Variants in TBL1XR1 observed in about 807,000 individuals in gnomAD.
The protein encoded by TBL1XR1 is F-box-like/WD repeat-containing protein TBL1XR1.
Under a neutral mutation model 66.9 loss-of-function variants are expected in TBL1XR1, and 5 were observed. That is an observed-to-expected ratio of 0.07 (90% CI 0.04 to 0.16). TBL1XR1 has a LOEUF of 0.16. Ranked by LOEUF, TBL1XR1 falls within the 10% of genes least tolerant of loss-of-function variation. TBL1XR1 has a pLI of 1.00. For missense variants in TBL1XR1, 238 were observed against 623.2 expected (o/e 0.38, Z 6.58); for synonymous variants, 210 against 206.0 (o/e 1.02, Z -0.17).
rs559946663 is a variant in TBL1XR1, at chr3:177,159,233, A to G, written c.-122+37888T>C. ...TGATTCTCCTGCTGCTGAGGAAAGT[A>G]AATAGCTCACTTCCAATACTGAAAG... is the stretch of plus-strand genomic sequence containing the variant. On this transcript the variant is annotated intron_variant, in intron 1 of 15. Coordinates refer to ENST00000457928, the MANE Select transcript of TBL1XR1 (RefSeq NM_024665.7). Among the ~76,000 whole-genome samples, 81 of 152,300 alleles carry G rather than the reference A, an allele frequency of 5.3e-4. 1 individual carries two copies. Among genetic ancestry groups the G allele is most frequent in the African/African-American group, 1.8e-3 (75 of 41,580 alleles).
At chr3:177,135,047 G>C (rs970230122) in intron 1 of TBL1XR1, among the ~76,000 whole-genome samples, 7 of 150,392 alleles carry the variant, frequency 4.7e-5, no homozygotes, top group African/African-American at 1.5e-4. Context: ...CTGTCACTCA[G>C]GCTGGAGTGC....
intron 1 of TBL1XR1, among the ~76,000 whole-genome samples, chr3:177,193,435 C>T (rs147645734): frequency 0.035 from 5,391 of 152,010 alleles, 333 homozygotes; most frequent in African/African-American, 0.12. Flanking sequence ...CTCAGCCTCC[C>T]GAGTAGCTGG....
At chr3:177,075,043 G>A (rs1720519083) in intron 2 of TBL1XR1, among the ~76,000 whole-genome samples, 1 of 152,188 alleles carries the variant, frequency 6.6e-6, no homozygotes, top group Admixed American at 6.5e-5. Flanking sequence ...CAGCGCTACT[G>A]TGATAGCTAC....
intron 1 of TBL1XR1, among the ~76,000 whole-genome samples, chr3:177,116,140 A>C (rs1726279908): frequency 6.6e-6 from 1 of 152,170 alleles, no homozygotes; most frequent in African/African-American, 2.4e-5. Context: ...TTCCTGTCTC[A>C]CAATTTGTTT....
At position 177,192,018 on chromosome 3, in the gene TBL1XR1, G is replaced by A. The variant is rs538298363; in HGVS notation, c.-122+5103C>T. ...TGAGGTAGGGGAATCGCTTGAACCC[G>A]GGAGGCAGAGGTTGCAGTGAGCCGA... On this transcript the variant is annotated intron_variant, in intron 1 of 15. Coordinates refer to ENST00000457928, the MANE Select transcript of TBL1XR1 (RefSeq NM_024665.7). Among the ~76,000 whole-genome samples the A allele has an allele frequency of 4.0e-4, 60 of 151,282 alleles. 1 individual carries two copies. Among genetic ancestry groups the A allele is most frequent in the South Asian group, 1.7e-3 (8 of 4,784 alleles).
intron 1 of TBL1XR1, among the ~76,000 whole-genome samples, chr3:177,183,157 C>T (rs1735024872): frequency 1.3e-5 from 2 of 152,116 alleles, no homozygotes; most frequent in Non-Finnish European, 1.5e-5. Context: ...AGAACGTCGA[C>T]GTTTCTGAGT....
chr3:177,134,569 T>C (rs1208697463), intron 1 of TBL1XR1, among the ~76,000 whole-genome samples: 1 of 152,202 alleles, frequency 6.6e-6, no homozygotes, highest in Non-Finnish European at 1.5e-5. Context: ...CCTGAAACAC[T>C]TGGCTTTGCA....
intron 1 of TBL1XR1, among the ~76,000 whole-genome samples, chr3:177,138,590 T>A (rs1427470181): frequency 7.2e-6 from 1 of 138,346 alleles, no homozygotes; most frequent in African/African-American, 2.6e-5. Flanking sequence ...AGACCCTGTC[T>A]GGGAGAAAAA....
intron 1 of TBL1XR1, among the ~76,000 whole-genome samples, chr3:177,169,000 C>A (rs900150616): frequency 6.6e-6 from 1 of 151,654 alleles, no homozygotes; most frequent in Non-Finnish European, 1.5e-5. Context: ...CTTTTTTTTT[C>A]TTATTATTTT....
intron 1 of TBL1XR1, among the ~76,000 whole-genome samples, chr3:177,145,199 T>C (rs906730433): frequency 3.3e-5 from 5 of 152,250 alleles, no homozygotes; most frequent in African/African-American, 1.2e-4. Context: ...CTATGTGATC[T>C]ACACCAGAGG....
chr3:177,147,070 G>A (rs1037227318), intron 1 of TBL1XR1, among the ~76,000 whole-genome samples: 2 of 145,994 alleles, frequency 1.4e-5, no homozygotes, highest in African/African-American at 5.1e-5. Flanking sequence ...TTTAAGAGAT[G>A]TAGTCTTACT....
chr3:177,110,500 GT>G (rs542642715), intron 1 of TBL1XR1, among the ~76,000 whole-genome samples: 3 of 151,258 alleles, frequency 2.0e-5, no homozygotes, highest in East Asian at 1.9e-4. Context: ...TGGTTTTGTG[GT>G]TTTTTTTTCC....
intron 14 of TBL1XR1, among the ~76,000 whole-genome samples, chr3:177,030,378 G>A (rs879497329): frequency 6.6e-6 from 1 of 151,896 alleles, no homozygotes; most frequent in Non-Finnish European, 1.5e-5. Flanking sequence ...AAGTATTAAT[G>A]TGATATTTCA....
intron 1 of TBL1XR1, among the ~76,000 whole-genome samples, chr3:177,188,766 C>A (rs1300735936): frequency 6.6e-6 from 1 of 152,202 alleles, no homozygotes; most frequent in South Asian, 2.1e-4. Flanking sequence ...TCTATGTTTA[C>A]CAAAATGTAT....
chr3:177,038,217 G>GTAGC (rs1201117656), intron 11 of TBL1XR1, 45 bp from the exon 12 acceptor site: 4 of 1,604,148 alleles, frequency 2.5e-6, no homozygotes, highest in African/African-American at 2.7e-5. Flanking sequence ...TATAGACTGG[G>GTAGC]TAGCTACTTG....
chr3:177,179,117 CAAAAA>C (rs71178099), intron 1 of TBL1XR1, among the ~76,000 whole-genome samples: 48 of 107,442 alleles, frequency 4.5e-4, no homozygotes, highest in African/African-American at 1.6e-3. Flanking sequence ...AACTACGTCT[CAAAAA>C]AAAAAAAAAA....
intron 12 of TBL1XR1, among the ~76,000 whole-genome samples, chr3:177,034,802 G>GA (rs889805660): frequency 4.6e-4 from 66 of 144,596 alleles, no homozygotes; most frequent in East Asian, 1.8e-3. Flanking sequence ...TGAAAAGTAG[G>GA]AAAAAAAAAA....
At chr3:177,189,332 C>T (rs1160815822) in intron 1 of TBL1XR1, among the ~76,000 whole-genome samples, 1 of 152,066 alleles carries the variant, frequency 6.6e-6, no homozygotes, top group Non-Finnish European at 1.5e-5. Context: ...GCCTGGCCAA[C>T]AAGGTGATAT....
intron 1 of TBL1XR1, among the ~76,000 whole-genome samples, chr3:177,194,685 T>C (rs1318301452): frequency 1.3e-5 from 2 of 152,228 alleles, no homozygotes; most frequent in Middle Eastern, 3.4e-3. Context: ...GTACCCCTTA[T>C]ATTTATATTA....
Sources: gnomAD v4.1 joint callset for allele counts (sites outside exome capture counted in the v4.1 genomes callset) on GRCh38, gnomAD v4.1.1 for gene constraint, MANE v1.5 for transcripts, NCBI Gene and HGNC (gene_info 2026-07-23, HGNC 2026-07-21) for gene names.